The following GOLGA3 variants were observed in gnomAD, a reference collection of about 807,000 sequenced individuals.
The protein encoded by GOLGA3 is golgin subfamily A member 3.
GOLGA3 carries 75 observed loss-of-function variants against 169.4 expected under a neutral mutation model. The ratio of observed to expected loss-of-function variants is 0.44; its 90% CI spans 0.37 to 0.54. GOLGA3 has a LOEUF of 0.54. Ranked by LOEUF, GOLGA3 falls within the 20% of genes least tolerant of loss-of-function variation. The pLI is 0.00. For synonymous variants in GOLGA3, 824 were observed against 822.4 expected (o/e 1.00, Z -0.03); for missense variants, 1,899 against 1,930.0 (o/e 0.98, Z 0.30).
chr12:132,773,753 A>G (rs2045043825), intron 23 of GOLGA3, among the ~76,000 whole-genome samples: 1 of 144,972 alleles, frequency 6.9e-6, no homozygotes, highest in Non-Finnish European at 1.5e-5. Context: ...AGGCTGTGCG[A>G]GTCCCCCTCC....
rs368886153 is a variant in GOLGA3 at position 132,782,184 on chromosome 12, G to A, written c.3465+112C>T. On this transcript the variant is annotated intron_variant, in intron 17 of 23. Coordinates refer to ENST00000450791, the MANE Select transcript of GOLGA3 (RefSeq NM_001389683.1). The stretch of plus-strand genomic sequence containing the variant: ...GAGCCTGTTCTCTCGGCTGCAGGCC[G>A]GGTGGGCTAGGAGTCAGCACAGGTG... 9.2e-5 allele frequency: 92 copies of A among 994,608 alleles called. No homozygotes were observed. The African/African-American group carries it at 1.1e-3, about 12-fold the overall frequency. The allele number at this position is 994,608 out of a possible 1,614,324, so 61.6% of individuals were successfully genotyped here.
chr12:132,786,381 G>A lies in GOLGA3; in HGVS notation c.3081C>T (p.Leu1027=), dbSNP rs754062117. 6.8e-6 allele frequency: 11 copies of A among 1,610,986 alleles called. No individual in the cohort carries two copies. The African/African-American group carries it at 1.1e-4, about 16-fold the overall frequency. Reference sequence around the variant, plus strand: ...TGTCACTGCTGCCACCCTGGGCTCGGAGCTGGCCCAGCTCCGCGTCCGCAG... The same window carrying A: ...TGTCACTGCTGCCACCCTGGGCTCGAAGCTGGCCCAGCTCCGCGTCCGCAG... ...KEAADAELGQ[L]RAQGGSSDSS... The change falls in exon 15 of 24, where the codon CTC becomes CTT. Residue 1027 remains leucine, a synonymous_variant. Transcript: ENST00000450791.
intron 8 of GOLGA3, among the ~76,000 whole-genome samples, chr12:132,798,890 C>G (rs1010744691): frequency 6.6e-6 from 1 of 152,238 alleles, no homozygotes; most frequent in African/African-American, 2.4e-5. Context: ...AGACGCCCGA[C>G]AGGTGCCATT....
rs750913986 is a variant in GOLGA3, at chr12:132,804,167, G to A, written c.1597+549C>T. ...AGGGAGGCAGCTGGACCGACGCACT[G>A]CATCCAGGGAGAAAAGGTTGCCAGA... On this transcript the variant is annotated intron_variant, in intron 7 of 23. Coordinates refer to ENST00000450791, the MANE Select transcript of GOLGA3 (RefSeq NM_001389683.1). This position sits in a 1 kb window ranked among gnomAD's most constrained non-coding sequence, Gnocchi z 4.1. Among the ~76,000 whole-genome samples the A allele has an allele frequency of 7.1e-4, 108 of 152,342 alleles. No homozygotes were observed. Among genetic ancestry groups the A allele is most frequent in the South Asian group, 1.0e-3 (5 of 4,830 alleles).
intron 1 of GOLGA3, chr12:132,826,322 G>T: frequency 1.5e-6 from 1 of 679,880 alleles, no homozygotes; most frequent in Non-Finnish European, 2.4e-6. Flanking sequence ...ACAGAAGGAA[G>T]GATGGGATGA....
At chr12:132,773,431 A>ATATTTAAT in intron 23 of GOLGA3, 137 bp from the exon 24 acceptor site, 1 of 453,504 alleles carries the variant, frequency 2.2e-6, no homozygotes, top group Non-Finnish European at 3.9e-6. Context: ...CTGAGACCAC[A>ATATTTAAT]GAAGCTCAGC....
At chr12:132,792,371 A>G (rs1948571480) in intron 11 of GOLGA3, among the ~76,000 whole-genome samples, 1 of 152,234 alleles carries the variant, frequency 6.6e-6, no homozygotes. Context: ...CTGCTCAGCA[A>G]TGCTCTTGCA....
intron 7 of GOLGA3, among the ~76,000 whole-genome samples, chr12:132,803,631 A>G (rs761860696): frequency 2.6e-4 from 39 of 152,148 alleles, no homozygotes; most frequent in Admixed American, 7.9e-4. Context: ...AAGGACTAAA[A>G]TATTAAAGCG....
intron 21 of GOLGA3, among the ~76,000 whole-genome samples, chr12:132,775,743 TGTC>T (rs77879940): frequency 0.051 from 7,833 of 152,290 alleles, 316 homozygotes; most frequent in Admixed American, 0.13. Context: ...GATGGACGCT[TGTC>T]GGCCTGTGTC....
chr12:132,818,620 C>T (rs754002188), intron 2 of GOLGA3, among the ~76,000 whole-genome samples: 26 of 152,318 alleles, frequency 1.7e-4, no homozygotes, highest in Admixed American at 4.6e-4. Flanking sequence ...TTAAAACAAG[C>T]GAAAACCACA....
intron 3 of GOLGA3, among the ~76,000 whole-genome samples, chr12:132,814,649 T>C (rs993915254): frequency 2.8e-4 from 43 of 152,346 alleles, no homozygotes; most frequent in African/African-American, 1.0e-3. Flanking sequence ...CTCAAATGGC[T>C]GAAGCCTGGC....
At chr12:132,784,331 G>A (rs776241260) in intron 15 of GOLGA3, 24 bp from the exon 16 acceptor site, 15 of 1,591,166 alleles carry the variant, frequency 9.4e-6, no homozygotes, top group South Asian at 2.2e-5. Flanking sequence ...TGGAACGGGC[G>A]CTTGGTCATG....
In GOLGA3 at chr12:132,813,407, G is replaced by C; in HGVS notation, c.419C>G (p.Ser140Cys). Residue 140 changes from serine (S) to cysteine (C), a missense_variant, in exon 4 of 24, where the codon TCT (serine) becomes TGT (cysteine). Coordinates refer to ENST00000450791, the MANE Select transcript of GOLGA3 (RefSeq NM_001389683.1). ...MQETQLCSTD[S>C]PLPLEKEEQV... ...CTCCTCCTTCTCCAGGGGCAGGGGA[G>C]AATCTGTAGAGCCTGCAGTGGGAAA... 2 of 1,605,972 alleles carry C rather than the reference G, an allele frequency of 1.2e-6. No individual in the cohort carries two copies. The highest frequency in any genetic ancestry group is 1.7e-6 in the Non-Finnish European group (2 of 1,174,318).
At chr12:132,823,907 A>C (rs1950314825) in intron 1 of GOLGA3, among the ~76,000 whole-genome samples, 1 of 151,584 alleles carries the variant, frequency 6.6e-6, no homozygotes, top group South Asian at 2.1e-4. Flanking sequence ...ACAAGGTGAA[A>C]CCTCGTCTCT....
rs146750069 is a variant in GOLGA3, at chr12:132,782,388, C to G, written c.3373G>C (p.Gly1125Arg). 11 of 1,614,194 alleles carry G rather than the reference C, an allele frequency of 6.8e-6. No homozygotes were observed. Among genetic ancestry groups the G allele is most frequent in the Non-Finnish European group, 9.3e-6 (11 of 1,180,024 alleles). ...EHEKGKLTGL[G>R]QSNAALREHN... ...TCCCGCAGAGCTGCGTTGGACTGAC[C>G]GAGGCCCGTAAGCTTCCCTTTCTCG... Residue 1125 changes from glycine to arginine, a missense_variant, in exon 17 of 24, where the codon GGT becomes CGT. Transcript: ENST00000450791.
At chr12:132,820,825 C>T (rs750271749) in intron 2 of GOLGA3, among the ~76,000 whole-genome samples, 21 of 152,130 alleles carry the variant, frequency 1.4e-4, no homozygotes, top group Non-Finnish European at 1.0e-4. Context: ...TTCGGCCAGG[C>T]ACAGTGGCTC....
intron 15 of GOLGA3, among the ~76,000 whole-genome samples, chr12:132,784,634 A>C (rs2045794178): frequency 6.6e-6 from 1 of 152,180 alleles, no homozygotes. Flanking sequence ...TAAATACCAC[A>C]CACATGCTCA....
chr12:132,773,723 C>T (rs2045040618), intron 23 of GOLGA3, among the ~76,000 whole-genome samples: 1 of 152,122 alleles, frequency 6.6e-6, no homozygotes. Context: ...CGAGTTCCCC[C>T]ACCTTTATAT....
At chr12:132,810,585 G>C (rs1006255005) in intron 4 of GOLGA3, among the ~76,000 whole-genome samples, 1 of 148,710 alleles carries the variant, frequency 6.7e-6, no homozygotes, top group Non-Finnish European at 1.5e-5. Flanking sequence ...AGGAGCTGAG[G>C]GGACACAGTG....
Sources: allele counts gnomAD v4.1 joint callset (sites outside exome capture counted in the v4.1 genomes callset), GRCh38; gene constraint gnomAD v4.1.1; non-coding constraint Gnocchi (gnomAD v3.1); transcripts MANE v1.5; gene names NCBI Gene and HGNC (gene_info 2026-07-23, HGNC 2026-07-21).